ITPR2: variants seen among roughly 807,000 people sequenced by gnomAD.
The protein encoded by ITPR2 is inositol 1,4,5-trisphosphate receptor type 2, also known as inositol 1,4,5-trisphosphate-gated calcium channel ITPR2.
ITPR2 carries 207 observed loss-of-function variants against 317.1 expected under a neutral mutation model. The ratio of observed to expected loss-of-function variants is 0.65; its 90% confidence interval spans 0.58 to 0.73. The LOEUF is 0.73. Ranked by LOEUF, ITPR2 falls within the 30% of genes least tolerant of loss-of-function variation. The probability of loss-of-function intolerance (pLI) is 0.00; values close to 1 mark genes in which losing one functional copy is unlikely to be tolerated. For missense variants in ITPR2, 2,613 were observed against 3,284.0 expected (o/e 0.80, Z 4.99); for synonymous variants, 1,156 against 1,149.1 (o/e 1.01, Z -0.12).
At chr12:26,508,139 T>C (rs1193386725) in intron 37 of ITPR2, among the ~76,000 whole-genome samples, 1 of 152,202 alleles carries the variant, frequency 6.6e-6, no homozygotes, top group East Asian at 1.9e-4. Flanking sequence ...CATTTCTAAA[T>C]TACAGGTCAC....
intron 5 of ITPR2, 63 bp from the exon 6 acceptor site, chr12:26,716,305 C>A: frequency 1.0e-6 from 1 of 1,004,320 alleles, no homozygotes; most frequent in Non-Finnish European, 1.6e-6. Flanking sequence ...ATATTCGAAG[C>A]TAGAAATAAC....
chr12:26,519,604 G>C (rs2136935456), intron 37 of ITPR2, among the ~76,000 whole-genome samples: 1 of 152,344 alleles, frequency 6.6e-6, no homozygotes, highest in East Asian at 1.9e-4. Context: ...AGGCCGGATA[G>C]AGACAAAGAT....
intron 11 of ITPR2, 124 bp downstream of exon 11, chr12:26,686,357 A>G (rs1204488882): frequency 1.8e-6 from 1 of 550,094 alleles, no homozygotes; most frequent in Admixed American, 3.9e-5. Flanking sequence ...AATGTTTTAC[A>G]CATTTTTCTT....
At chr12:26,594,677 C>T (rs1945796980) in intron 32 of ITPR2, among the ~76,000 whole-genome samples, 1 of 151,488 alleles carries the variant, frequency 6.6e-6, no homozygotes, top group Non-Finnish European at 1.5e-5. Flanking sequence ...CTTCAAGTCC[C>T]ATAACTTTAA....
chr12:26,660,936 T>C (rs4964012), intron 15 of ITPR2, among the ~76,000 whole-genome samples: 51,284 of 151,168 alleles, frequency 0.34, 9,607 homozygotes, highest in East Asian at 0.64. Context: ...AAAGTAATTA[T>C]AGCCATAATG....
intron 11 of ITPR2, among the ~76,000 whole-genome samples, chr12:26,684,192 C>T (rs1948085482): frequency 6.6e-6 from 1 of 152,222 alleles, no homozygotes; most frequent in Non-Finnish European, 1.5e-5. Context: ...GTAATTTGTA[C>T]TCAGTTGTCA....
At chr12:26,647,653 T>C (rs1424692625) in intron 21 of ITPR2, among the ~76,000 whole-genome samples, 1 of 152,238 alleles carries the variant, frequency 6.6e-6, no homozygotes, top group Non-Finnish European at 1.5e-5. Flanking sequence ...GAATGGTGCC[T>C]GTGCATTTAA....
At chr12:26,439,088 C>G (rs956308675) in intron 47 of ITPR2, 39 bp downstream of exon 47, 1 of 1,305,194 alleles carries the variant, frequency 7.7e-7, no homozygotes, top group African/African-American at 1.5e-5. Context: ...TTATCTACCA[C>G]TATGCACAAA....
chr12:26,463,128 C>T (rs1281461634), intron 45 of ITPR2, among the ~76,000 whole-genome samples: 1 of 152,130 alleles, frequency 6.6e-6, no homozygotes, highest in Non-Finnish European at 1.5e-5. Context: ...TATGTGTTTA[C>T]TAATTACATT....
In ITPR2 at chr12:26,400,210, A is replaced by C. The variant is rs949475768; in HGVS notation, c.7448T>G (p.Leu2483Arg). The change falls in exon 53 of 57, where the codon CTT (leucine) becomes CGT (arginine). Residue 2483 changes from leucine to arginine, a missense_variant. Physicochemically the swap from Leu to Arg is moderately radical, Grantham distance 102 (BLOSUM62 -2). This residue lies in a region of ITPR2 where 113 missense variants were observed against 129.2 expected (regional missense o/e 0.87). Transcript: ENST00000381340. ...DGIERTCDTLLMCIVTVLNQG... is the reference protein window; with the variant it reads ...DGIERTCDTLRMCIVTVLNQG... ...GTTCAGCACGGTGACAATGCACATA[A>C]GGAGAGTGTCACACGTCCTTTCAAT... 1 of 1,606,784 alleles carries C rather than the reference A, an allele frequency of 6.2e-7. No individual in the cohort carries two copies. The highest frequency in any genetic ancestry group is 1.3e-5 in the African/African-American group (1 of 74,814).
At chr12:26,722,640 T>G in intron 4 of ITPR2, 85 bp from the exon 5 acceptor site, 2 of 937,200 alleles carry the variant, frequency 2.1e-6, no homozygotes, top group Non-Finnish European at 3.2e-6. Flanking sequence ...ATGTATCATA[T>G]ATTCATCTAA....
At chr12:26,670,525 A>G (rs1270966226) in intron 13 of ITPR2, among the ~76,000 whole-genome samples, 2 of 152,362 alleles carry the variant, frequency 1.3e-5, no homozygotes, top group East Asian at 3.9e-4. Flanking sequence ...AACGGAAAGG[A>G]CATCCACACC....
At chr12:26,642,981 C>T (rs751360064) in intron 21 of ITPR2, among the ~76,000 whole-genome samples, 8 of 152,166 alleles carry the variant, frequency 5.3e-5, no homozygotes, top group Non-Finnish European at 7.3e-5. Context: ...GATACTCTCT[C>T]CCAAGGTGAT....
chr12:26,568,105 A>G (rs928936675), intron 34 of ITPR2, among the ~76,000 whole-genome samples: 2 of 148,938 alleles, frequency 1.3e-5, no homozygotes, highest in Admixed American at 1.3e-4. Flanking sequence ...TCTCTCAATA[A>G]GGAAGAGCTA....
intron 9 of ITPR2, among the ~76,000 whole-genome samples, chr12:26,706,381 A>G (rs1948552575): frequency 6.6e-6 from 1 of 152,134 alleles, no homozygotes; most frequent in Non-Finnish European, 1.5e-5. Flanking sequence ...TGAACTGATC[A>G]GCTGCACTAC....
intron 21 of ITPR2, among the ~76,000 whole-genome samples, chr12:26,638,980 C>CA (rs1326332758): frequency 1.3e-5 from 2 of 152,122 alleles, no homozygotes; most frequent in Non-Finnish European, 2.9e-5. Context: ...TCATTGTTAA[C>CA]AAAACACTCA....
intron 55 of ITPR2, among the ~76,000 whole-genome samples, chr12:26,374,535 A>G (rs1204112272): frequency 6.6e-6 from 1 of 152,246 alleles, no homozygotes; most frequent in Non-Finnish European, 1.5e-5. Flanking sequence ...TTTTGAATCC[A>G]CAAAATAGTA....
At chr12:26,516,255 A>AAG (rs1943494632) in intron 37 of ITPR2, among the ~76,000 whole-genome samples, 1 of 36,924 alleles carries the variant, frequency 2.7e-5, no homozygotes, top group Non-Finnish European at 6.5e-5. Context: ...AGGAAAGGAA[A>AAG]GGAAAGGAAA....
intron 45 of ITPR2, among the ~76,000 whole-genome samples, chr12:26,445,717 A>C (rs774969888): frequency 4.6e-5 from 7 of 152,136 alleles, no homozygotes; most frequent in Non-Finnish European, 8.8e-5. Context: ...ACCAAAGCTT[A>C]ATTGTAGTGA....
Sources: gnomAD v4.1 joint callset for allele counts (sites outside exome capture counted in the v4.1 genomes callset) on GRCh38, gnomAD v4.1.1 for gene constraint, gnomAD v4.1.1 regional missense constraint, MANE v1.5 for transcripts, NCBI Gene and HGNC (gene_info 2026-07-23, HGNC 2026-07-21) for gene names.